The following SLC24A3 variants were observed in gnomAD, a reference collection of about 807,000 sequenced individuals.
The protein encoded by SLC24A3 is solute carrier family 24 member 3, also known as sodium/potassium/calcium exchanger 3.
SLC24A3 carries 28 observed loss-of-function variants against 75.8 expected under a neutral mutation model. The ratio of observed to expected loss-of-function variants is 0.37; its 90% CI spans 0.27 to 0.51. The LOEUF is 0.51. Ranked by LOEUF, SLC24A3 falls within the 20% of genes least tolerant of loss-of-function variation. SLC24A3 has a pLI of 0.94. For synonymous variants in SLC24A3, 372 were observed against 334.1 expected, an observed-to-expected ratio of 1.11 and a Z score of -1.24; for missense variants, 663 against 847.8, an observed-to-expected ratio of 0.78 and a Z score of 2.71.
At chr20:19,605,329 T>G (rs1600299862) in intron 6 of SLC24A3, among the ~76,000 whole-genome samples, 1 of 34,070 alleles carries the variant, frequency 2.9e-5, no homozygotes, top group Non-Finnish European at 9.7e-5. Context: ...TCTCCTGTGA[T>G]TTTTTTTTTA....
intron 2 of SLC24A3, among the ~76,000 whole-genome samples, chr20:19,446,141 C>G (rs773140869): frequency 1.3e-5 from 2 of 152,094 alleles, no homozygotes; most frequent in Non-Finnish European, 2.9e-5. Context: ...TTCAGTAACC[C>G]TTAAGAACAT....
At chr20:19,283,416 A>G (rs1357024127) in intron 2 of SLC24A3, among the ~76,000 whole-genome samples, 1 of 152,216 alleles carries the variant, frequency 6.6e-6, no homozygotes, top group East Asian at 1.9e-4. Flanking sequence ...ACCAACTAAA[A>G]TTAAATATTC....
chr20:19,649,753 G>T (rs958480692), intron 6 of SLC24A3, among the ~76,000 whole-genome samples: 12 of 152,188 alleles, frequency 7.9e-5, no homozygotes, highest in African/African-American at 2.7e-4. Flanking sequence ...TTTGCCTGTA[G>T]TGAAGCATTG....
In SLC24A3 at chr20:19,368,733, G is replaced by A. The variant is rs191540711; in HGVS notation, c.271+87646G>A. Reference sequence around the variant, plus strand: ...GCCAAATGACGCATTATTTAGACAAGCATTTAACAAACATTACATCTATTC... The same window carrying A: ...GCCAAATGACGCATTATTTAGACAAACATTTAACAAACATTACATCTATTC... On this transcript the variant is annotated intron_variant, in intron 2 of 16. Coordinates refer to ENST00000328041, the MANE Select transcript of SLC24A3 (RefSeq NM_020689.4). 2.4e-3 allele frequency among the ~76,000 whole-genome samples: 368 copies of A among 152,314 alleles called. 2 individuals are homozygous for A. The highest frequency in any genetic ancestry group is 8.6e-3 in the African/African-American group (357 of 41,564).
intron 2 of SLC24A3, among the ~76,000 whole-genome samples, chr20:19,503,427 C>G (rs532950448): frequency 1.3e-5 from 2 of 152,302 alleles, no homozygotes; most frequent in African/African-American, 4.8e-5. Context: ...TATTTGGAAT[C>G]TAAACTTTGG....
At chr20:19,509,174 T>G (rs1273929490) in intron 2 of SLC24A3, among the ~76,000 whole-genome samples, 1 of 152,176 alleles carries the variant, frequency 6.6e-6, no homozygotes, top group Non-Finnish European at 1.5e-5. Context: ...CATCTACAGA[T>G]GAAGGAAATG....
At chr20:19,307,253 T>C (rs546625620) in intron 2 of SLC24A3, among the ~76,000 whole-genome samples, 36 of 152,322 alleles carry the variant, frequency 2.4e-4, no homozygotes, top group Middle Eastern at 3.4e-3. Context: ...CTAATATTTA[T>C]AGTACCGGGT....
chr20:19,695,202 T>C (rs1293940186), intron 13 of SLC24A3, among the ~76,000 whole-genome samples: 3 of 152,168 alleles, frequency 2.0e-5, no homozygotes, highest in South Asian at 4.1e-4. Context: ...GAAGGAGCGA[T>C]TGTGGCCTTT....
chr20:19,604,167 A>C (rs1268187706), intron 6 of SLC24A3, among the ~76,000 whole-genome samples: 1 of 152,214 alleles, frequency 6.6e-6, no homozygotes, highest in Non-Finnish European at 1.5e-5. Context: ...ATAAGAAAAA[A>C]TAAACCAGCA....
At chr20:19,633,976 C>G (rs111794333) in intron 6 of SLC24A3, among the ~76,000 whole-genome samples, 149 of 152,286 alleles carry the variant, frequency 9.8e-4, no homozygotes, top group Non-Finnish European at 1.8e-3. Context: ...GTCCAACACT[C>G]CCTCCCACCT....
intron 3 of SLC24A3, among the ~76,000 whole-genome samples, chr20:19,532,042 G>A (rs768280): frequency 0.59 from 90,024 of 152,024 alleles, 27,231 homozygotes; most frequent in Non-Finnish European, 0.66. Flanking sequence ...AGGCTATGGG[G>A]CTCCAGTGTT....
intron 2 of SLC24A3, among the ~76,000 whole-genome samples, chr20:19,283,583 C>G (rs1311088237): frequency 6.6e-6 from 1 of 152,124 alleles, no homozygotes; most frequent in African/African-American, 2.4e-5. Context: ...GTCTTTCCAG[C>G]CCAATTGCAA....
intron 1 of SLC24A3, among the ~76,000 whole-genome samples, chr20:19,220,686 A>G (rs1414234776): frequency 2.6e-5 from 4 of 152,250 alleles, no homozygotes; most frequent in Non-Finnish European, 5.9e-5. Flanking sequence ...GGTAAACATT[A>G]CATCTATGGT....
chr20:19,236,179 A>G (rs1982162111), intron 1 of SLC24A3, among the ~76,000 whole-genome samples: 1 of 152,228 alleles, frequency 6.6e-6, no homozygotes, highest in Non-Finnish European at 1.5e-5. Flanking sequence ...TATGGGACAC[A>G]GTCGTTGCTT....
intron 4 of SLC24A3, among the ~76,000 whole-genome samples, chr20:19,581,673 C>T (rs1642084686): frequency 6.6e-6 from 1 of 152,148 alleles, no homozygotes; most frequent in Admixed American, 6.5e-5. Flanking sequence ...AGAATTCTGC[C>T]AGGTGACTGA....
chr20:19,218,889 A>G (rs1420755905), intron 1 of SLC24A3, among the ~76,000 whole-genome samples: 3 of 152,158 alleles, frequency 2.0e-5, no homozygotes, highest in Non-Finnish European at 4.4e-5. Flanking sequence ...ACAGACTTTC[A>G]TAATGGGGAA....
intron 6 of SLC24A3, among the ~76,000 whole-genome samples, chr20:19,588,129 G>A (rs1280593302): frequency 6.6e-6 from 1 of 152,178 alleles, no homozygotes; most frequent in Non-Finnish European, 1.5e-5. Flanking sequence ...TTACTTCTGT[G>A]CTGTCTACCA....
intron 7 of SLC24A3, among the ~76,000 whole-genome samples, chr20:19,654,964 T>C (rs1470825003): frequency 7.9e-5 from 12 of 152,166 alleles, no homozygotes; most frequent in Admixed American, 7.9e-4. Flanking sequence ...AGACTTTTGA[T>C]GTTTTCCCCA....
At chr20:19,569,815 C>A (rs894644544) in intron 3 of SLC24A3, among the ~76,000 whole-genome samples, 2 of 152,208 alleles carry the variant, frequency 1.3e-5, no homozygotes, top group African/African-American at 4.8e-5. Context: ...GCCAAAGGTT[C>A]CCGTTGTTAT....
Sources: allele counts gnomAD v4.1 joint callset (sites outside exome capture counted in the v4.1 genomes callset), GRCh38; gene constraint gnomAD v4.1.1; transcripts MANE v1.5; gene names NCBI Gene and HGNC (gene_info 2026-07-23, HGNC 2026-07-21).